The following CTNNA2 variants were observed in gnomAD, a reference collection of about 807,000 sequenced individuals.
CTNNA2 encodes the protein catenin alpha-2.
A neutral mutation model predicts 101.0 loss-of-function variants in CTNNA2; 42 were observed. The ratio of observed to expected loss-of-function variants is 0.42; its 90% CI spans 0.32 to 0.54. The LOEUF (loss-of-function observed/expected upper bound fraction) is 0.54, where lower values mean the gene tolerates loss of function less well. Ranked by LOEUF, CTNNA2 falls within the 20% of genes least tolerant of loss-of-function variation. CTNNA2 has a pLI of 0.14. For missense variants in CTNNA2, 871 were observed against 1,223.1 expected, an observed-to-expected ratio of 0.71 and a Z score of 4.29; for synonymous variants, 450 against 456.4, an observed-to-expected ratio of 0.99 and a Z score of 0.18.
At chr2:79,490,799 C>A (rs973547963) in intron 4 of CTNNA2, among the ~76,000 whole-genome samples, 3 of 152,134 alleles carry the variant, frequency 2.0e-5, no homozygotes, top group Admixed American at 6.5e-5. Context: ...ATGTTATGAT[C>A]CCTTAGAGGA....
At chr2:79,942,959 G>A (rs1405989561) in intron 7 of CTNNA2, among the ~76,000 whole-genome samples, 1 of 152,196 alleles carries the variant, frequency 6.6e-6, no homozygotes, top group Non-Finnish European at 1.5e-5. Context: ...GCTTATGCCT[G>A]TAATCCCAGC....
chr2:80,597,845 A>T (rs1221393469), intron 15 of CTNNA2, among the ~76,000 whole-genome samples: 1 of 152,204 alleles, frequency 6.6e-6, no homozygotes, highest in African/African-American at 2.4e-5. Flanking sequence ...CTGTGGTGAA[A>T]TAGGAATGTT....
In CTNNA2 at chr2:80,457,836, G is replaced by GT. The variant is rs987385426; in HGVS notation, c.1290+38243dup. ...TAGTATTTCTGCTTTCTAAGATTTT[G>GT]TTTTTTTTCTCTTGTTTAAAAGTCA... On this transcript the variant is annotated intron_variant, in intron 9 of 18. Coordinates refer to ENST00000402739, the MANE Select transcript of CTNNA2 (RefSeq NM_001282597.3). Among the ~76,000 whole-genome samples, 4 of 151,640 alleles carry GT rather than the reference G, an allele frequency of 2.6e-5. No individual in the cohort carries two copies. The South Asian group carries it at 6.3e-4, about 24-fold the overall frequency.
chr2:80,370,329 C>T (rs1675328469), intron 7 of CTNNA2, among the ~76,000 whole-genome samples: 1 of 151,846 alleles, frequency 6.6e-6, no homozygotes, highest in Admixed American at 6.6e-5. Flanking sequence ...GAAATATTAC[C>T]AACAATTTCA....
In CTNNA2 at chr2:79,472,730, G is replaced by A. The variant is rs529932274; in HGVS notation, c.-134-32324G>A. On this transcript the variant is annotated intron_variant, in intron 4 of 21. Coordinates refer to the CTNNA2 transcript ENST00000466387. ...CCAAACATGCTTTCTCACTTTTTGC[G>A]ATACAGATGGGCTGAGAATTTTCCA... 2.4e-3 allele frequency among the ~76,000 whole-genome samples: 367 copies of A among 152,120 alleles called. 1 individual carries two copies. The highest frequency in any genetic ancestry group is 3.6e-3 in the Non-Finnish European group (248 of 67,996).
At chr2:80,388,600 A>T (rs557443015) in intron 7 of CTNNA2, among the ~76,000 whole-genome samples, 4 of 152,190 alleles carry the variant, frequency 2.6e-5, no homozygotes, top group Non-Finnish European at 5.9e-5. Flanking sequence ...TGGAGTCTAG[A>T]GATGTGGCCA....
chr2:79,212,039 A>G (rs1355999443), intron 2 of CTNNA2, among the ~76,000 whole-genome samples: 2 of 152,196 alleles, frequency 1.3e-5, no homozygotes, highest in Non-Finnish European at 2.9e-5. Flanking sequence ...GAAAAACTAA[A>G]TGGATTAAAG....
intron 7 of CTNNA2, among the ~76,000 whole-genome samples, chr2:80,091,531 AGCCAGCAGGATACTCTCC>A (rs1699793544): frequency 1.3e-5 from 2 of 152,108 alleles, no homozygotes; most frequent in Non-Finnish European, 2.9e-5. Flanking sequence ...TTTGGGCTAG[AGCCAGCAGGATACTCTCC>A]GCCTGCAGTC....
chr2:80,172,245 A>G (rs1268936113), intron 7 of CTNNA2, among the ~76,000 whole-genome samples: 2 of 152,130 alleles, frequency 1.3e-5, no homozygotes, highest in Non-Finnish European at 2.9e-5. Flanking sequence ...CTCTTAATTT[A>G]TGCTTGTATA....
chr2:79,685,356 C>T (rs1288846394), intron 2 of CTNNA2, among the ~76,000 whole-genome samples: 2 of 152,156 alleles, frequency 1.3e-5, no homozygotes, highest in Non-Finnish European at 1.5e-5. Flanking sequence ...GACATCCAAA[C>T]TGACCTCTGT....
intron 3 of CTNNA2, among the ~76,000 whole-genome samples, chr2:79,808,182 A>G (rs1348432261): frequency 1.3e-5 from 2 of 152,174 alleles, no homozygotes; most frequent in African/African-American, 4.8e-5. Flanking sequence ...AATGCCCTGT[A>G]TGATTGAGAC....
At chr2:79,270,969 C>G (rs1248402454) in intron 2 of CTNNA2, among the ~76,000 whole-genome samples, 1 of 151,798 alleles carries the variant, frequency 6.6e-6, no homozygotes, top group African/African-American at 2.4e-5. Context: ...CTGGAAGATG[C>G]CAGAAGGCTG....
chr2:79,468,552 C>A (rs1452325079), intron 4 of CTNNA2, among the ~76,000 whole-genome samples: 2 of 152,150 alleles, frequency 1.3e-5, no homozygotes, highest in Non-Finnish European at 2.9e-5. Context: ...ACAGAACTCT[C>A]CACCCCAAAT....
intron 3 of CTNNA2, among the ~76,000 whole-genome samples, chr2:79,783,056 C>G (rs1440116789): frequency 6.6e-6 from 1 of 150,422 alleles, no homozygotes; most frequent in African/African-American, 2.4e-5. Context: ...TTTTTGGTTT[C>G]AAGTCAGCTC....
At chr2:79,268,800 G>A (rs1303168902) in intron 2 of CTNNA2, among the ~76,000 whole-genome samples, 1 of 152,110 alleles carries the variant, frequency 6.6e-6, no homozygotes, top group Non-Finnish European at 1.5e-5. Flanking sequence ...TTCTTTTGGT[G>A]TGACAACAGA....
chr2:79,442,970 A>G (rs1478248318), intron 4 of CTNNA2, among the ~76,000 whole-genome samples: 7 of 152,102 alleles, frequency 4.6e-5, no homozygotes, highest in Non-Finnish European at 1.0e-4. Context: ...ATCCTTCCTC[A>G]TAAGAATTAA....
At chr2:80,080,629 A>G (rs185205317) in intron 7 of CTNNA2, among the ~76,000 whole-genome samples, 14 of 152,160 alleles carry the variant, frequency 9.2e-5, no homozygotes, top group African/African-American at 3.1e-4. Context: ...TTTAGAGAGA[A>G]CTGTGTTGCG....
intron 9 of CTNNA2, among the ~76,000 whole-genome samples, chr2:80,472,163 AGGACCTGCAGATAAGG>A (rs1183437426): frequency 6.6e-6 from 1 of 151,710 alleles, no homozygotes; most frequent in Non-Finnish European, 1.5e-5. Flanking sequence ...AGAAGTCTAG[AGGACCTGCAGATAAGG>A]GTGGGGCTTG....
chr2:80,499,739 T>A (rs1271707741), intron 9 of CTNNA2, among the ~76,000 whole-genome samples: 2 of 152,086 alleles, frequency 1.3e-5, no homozygotes, highest in Non-Finnish European at 2.9e-5. Flanking sequence ...GAGAATTGCT[T>A]GAACCTGCGA....
Sources: gnomAD v4.1 joint callset for allele counts (sites outside exome capture counted in the v4.1 genomes callset) on GRCh38, gnomAD v4.1.1 for gene constraint, MANE v1.5 for transcripts, NCBI Gene and HGNC (gene_info 2026-07-23, HGNC 2026-07-21) for gene names.